The following SH3TC1 variants were observed in gnomAD, a reference collection of about 807,000 sequenced individuals.
SH3TC1 encodes the protein SH3 domain and tetratricopeptide repeats 1.
A neutral mutation model predicts 117.3 loss-of-function variants in SH3TC1; 135 were observed. The ratio of observed to expected loss-of-function variants is 1.15; its 90% CI spans 1.00 to 1.33. The LOEUF is 1.33. Among genes scored for constraint, SH3TC1 ranks in the 40% most tolerant of loss-of-function variants. The probability of loss-of-function intolerance (pLI) is 0.00; values close to 1 mark genes in which losing one functional copy is unlikely to be tolerated. For missense variants in SH3TC1, 2,092 were observed against 1,794.3 expected (o/e 1.17, Z -3.00); for synonymous variants, 898 against 816.9 (o/e 1.10, Z -1.69).
upstream of SH3TC1, among the ~76,000 whole-genome samples, chr4:8,196,802 A>T (rs1173965298): frequency 1.3e-5 from 2 of 152,144 alleles, no homozygotes; most frequent in Non-Finnish European, 2.9e-5. This position sits in a 1 kb window ranked among gnomAD's most constrained non-coding sequence, Gnocchi z 4.6. Context: ...GAGGGGCTTC[A>T]GGATGGGGTC....
chr4:8,202,434 T>A (rs1717899491), intron 1 of SH3TC1, among the ~76,000 whole-genome samples: 1 of 152,236 alleles, frequency 6.6e-6, no homozygotes, highest in Non-Finnish European at 1.5e-5. Context: ...GGCTGCACCC[T>A]GCTCCCACTC....
chr4:8,186,562 G>A lies in SH3TC1; in HGVS notation c.-57+4352G>A, dbSNP rs1717228355. Among the ~76,000 whole-genome samples, 1 of 152,200 alleles carries A rather than the reference G, an allele frequency of 6.6e-6. No individual in the cohort carries two copies. The highest frequency in any genetic ancestry group is 2.1e-4 in the South Asian group (1 of 4,824). On this transcript the variant is annotated intron_variant, in intron 1 of 16. Transcript: ENST00000508641. This position sits in a 1 kb window ranked among gnomAD's most constrained non-coding sequence, Gnocchi z 5.2. Reference sequence around the variant, plus strand: ...GATGGTCATCACGGGGGAGGCTGATGGGAGTTTATGCCAATGCCCTGCACT... The same window carrying A: ...GATGGTCATCACGGGGGAGGCTGATAGGAGTTTATGCCAATGCCCTGCACT...
intron 12 of SH3TC1, among the ~76,000 whole-genome samples, chr4:8,230,590 C>G (rs1356021574): frequency 6.6e-6 from 1 of 152,178 alleles, no homozygotes; most frequent in Non-Finnish European, 1.5e-5. Flanking sequence ...CCCATTTCCA[C>G]TCTCATGTTT....
At position 8,206,868 on chromosome 4, in the gene SH3TC1, T is replaced by TGTGA. The variant is rs1491095306; in HGVS notation, c.172+1503_172+1504insTGAG. Among the ~76,000 whole-genome samples the TGTGA allele has an allele frequency of 1.5e-3, 224 of 150,318 alleles. 1 individual carries two copies. The highest frequency in any genetic ancestry group is 5.3e-3 in the African/African-American group (217 of 40,630). On this transcript the variant is annotated intron_variant, in intron 2 of 17. Transcript: ENST00000245105. This position sits in a 1 kb window ranked among gnomAD's most constrained non-coding sequence, Gnocchi z 5.5. ...GTGTGTGTGTGTGTGTGTGTGTGTG[T>TGTGA]GATTTTCTTCTGATCCTTTTGGGAG... is the stretch of plus-strand genomic sequence containing the variant.
Position 8,183,799 on chromosome 4 carries a change from TTTCC to T in SH3TC1, c.-57+1593_-57+1596del, listed in dbSNP as rs1717148495. Among the ~76,000 whole-genome samples, 1 of 152,120 alleles carries T rather than the reference TTTCC, an allele frequency of 6.6e-6. No homozygotes were observed. Among genetic ancestry groups the T allele is most frequent in the African/African-American group, 2.4e-5 (1 of 41,412 alleles). The stretch of plus-strand genomic sequence containing the variant: ...AGCTGCAGCCCACACCTGACTCAGA[TTTCC>T]TTCGTCTTTACCTAACGCCTTCGCC... On this transcript the variant is annotated intron_variant, in intron 1 of 16. Coordinates refer to the SH3TC1 transcript ENST00000508641. The surrounding 1 kb of genome is among the most constrained non-coding windows in gnomAD (Gnocchi z 5.4).
At position 8,234,178 on chromosome 4, in the gene SH3TC1, TCCATCATCCATCCATTCATCCATCCAC is replaced by T. The variant is rs767261363; in HGVS notation, c.3282+667_3282+693del. 2.6e-3 allele frequency among the ~76,000 whole-genome samples: 298 copies of T among 114,188 alleles called. 2 individuals are homozygous for T. The highest frequency in any genetic ancestry group is 0.011 in the Middle Eastern group (2 of 182). The allele number at this position is 114,188 out of a possible 152,430, so 74.9% of individuals were successfully genotyped here. A position where few individuals can be genotyped will look rare whatever the true frequency, so the allele number is the denominator to read the frequency against. On this transcript the variant is annotated intron_variant, in intron 14 of 17. Transcript: ENST00000245105. ...CATCCATCCTTCCATCATCCATCCA[TCCATCATCCATCCATTCATCCATCCAC>T]CATCCACCATCCTTCCATCATCCAT...
intron 12 of SH3TC1, chr4:8,229,299 G>C (rs1306198928): frequency 2.6e-5 from 4 of 151,652 alleles, no homozygotes; most frequent in Non-Finnish European, 5.9e-5. Flanking sequence ...CCCGGGTTAG[G>C]GAAGCCTCTT....
intron 1 of SH3TC1, among the ~76,000 whole-genome samples, chr4:8,185,494 T>G (rs1331921756): frequency 1.3e-5 from 2 of 152,018 alleles, no homozygotes; most frequent in Non-Finnish European, 1.5e-5. Context: ...TCCCCACTGT[T>G]GCCAATGCAT....
chr4:8,209,698 C>A lies in SH3TC1; in HGVS notation c.173-50C>A, dbSNP rs1378515914. On this transcript the variant is annotated intron_variant, in intron 2 of 17. Coordinates refer to ENST00000245105, the MANE Select transcript of SH3TC1 (RefSeq NM_018986.5). This position sits in a 1 kb window ranked among gnomAD's most constrained non-coding sequence, Gnocchi z 5.9. ...GGAGCGTTTGGCGCCTTCAGAGGAG[C>A]CAGGCCTTTGCTTGGTCTCCCCTAA... 2 of 1,610,988 alleles carry A rather than the reference C, an allele frequency of 1.2e-6. No homozygotes were observed. Among genetic ancestry groups the A allele is most frequent in the South Asian group, 2.2e-5 (2 of 90,374 alleles).
At position 8,206,397 on chromosome 4, in the gene SH3TC1, G is replaced by A. The variant is rs1030269494; in HGVS notation, c.172+1031G>A. On this transcript the variant is annotated intron_variant, in intron 2 of 17. Coordinates refer to ENST00000245105, the MANE Select transcript of SH3TC1 (RefSeq NM_018986.5). This position sits in a 1 kb window ranked among gnomAD's most constrained non-coding sequence, Gnocchi z 5.5. ...AGGCCTCATGAAAGGAAGGGGCTGC[G>A]CTGTGCCCAGGGCCACGAGTGCACA... Among the ~76,000 whole-genome samples the A allele has an allele frequency of 2.0e-5, 3 of 151,960 alleles. No homozygotes were observed. The highest frequency in any genetic ancestry group is 1.3e-4 in the Admixed American group (2 of 15,282).
intron 3 of SH3TC1, among the ~76,000 whole-genome samples, chr4:8,211,486 C>T (rs372750513): frequency 1.2e-5 from 1 of 81,624 alleles, no homozygotes; most frequent in African/African-American, 4.1e-5. Flanking sequence ...CCCTCTCCCC[C>T]TCCCGGTGTC....
chr4:8,211,061 C>T (rs943186957), intron 3 of SH3TC1, among the ~76,000 whole-genome samples: 1 of 145,008 alleles, frequency 6.9e-6, no homozygotes, highest in African/African-American at 2.6e-5. Flanking sequence ...TCTCCCCTCC[C>T]TCCCTCTCTC....
chr4:8,215,141 C>T (rs1007275020), intron 5 of SH3TC1: 2 of 456,172 alleles, frequency 4.4e-6, no homozygotes, highest in African/African-American at 4.0e-5. Flanking sequence ...GTTGCCTTCA[C>T]ACTCTGCCCT....
At chr4:8,233,867 C>T (rs1265822584) in intron 14 of SH3TC1, among the ~76,000 whole-genome samples, 1 of 151,036 alleles carries the variant, frequency 6.6e-6, no homozygotes, top group East Asian at 2.0e-4. Flanking sequence ...TCCATCCATT[C>T]ACCTATCATC....
chr4:8,215,041 G>T (rs78567670), intron 5 of SH3TC1: 1 of 432,200 alleles, frequency 2.3e-6, no homozygotes. Flanking sequence ...ACTGGTGTGC[G>T]CACCTGGTGC....
chr4:8,209,808 G>A lies in SH3TC1; in HGVS notation c.233G>A (p.Gly78Glu), dbSNP rs1158185797. ...GCTGGGACCCCTCCCTGCCAGATGGGGGTTTATCCCACAGGTAAACATCCT... is the reference window on the plus strand; with the variant it reads ...GCTGGGACCCCTCCCTGCCAGATGGAGGTTTATCCCACAGGTAAACATCCT... ...PAAGTPPCQMGVYPTDLTLQL... is the reference protein window; with the variant it reads ...PAAGTPPCQMEVYPTDLTLQL... The change falls in exon 3 of 18, where the codon GGG (glycine) becomes GAG (glutamate). Residue 78 changes from glycine to glutamate, a missense_variant. Coordinates refer to ENST00000245105, the MANE Select transcript of SH3TC1 (RefSeq NM_018986.5). The surrounding 1 kb of genome is among the most constrained non-coding windows in gnomAD (Gnocchi z 5.9). 9.9e-6 allele frequency: 16 copies of A among 1,613,316 alleles called. No individual in the cohort carries two copies. The highest frequency in any genetic ancestry group is 1.3e-5 in the African/African-American group (1 of 74,878).
chr4:8,232,949 G>A lies in SH3TC1; in HGVS notation c.3132-414G>A, dbSNP rs1347991241. On this transcript the variant is annotated intron_variant, in intron 13 of 17. Transcript: ENST00000245105. ...CTAGGGCCCGCCCCAGGCCCGTGGA[G>A]CCAGAAGCTCTGGGGGCAGGCCAGC... 8.4e-6 allele frequency: 10 copies of A among 1,192,752 alleles called. No individual in the cohort carries two copies. In the African/African-American group the frequency reaches 9.6e-5, roughly 11 times the overall value. 73.9% of individuals were successfully genotyped at this position (1,192,752 alleles called of 1,614,324 possible).
At chr4:8,230,028 C>T (rs13151257) in intron 12 of SH3TC1, among the ~76,000 whole-genome samples, 17,651 of 117,304 alleles carry the variant, frequency 0.15, 1,964 homozygotes, top group Middle Eastern at 0.23. Context: ...GGCCAGGGGA[C>T]GAGGATCATG....
chr4:8,233,615 C>A lies in SH3TC1; in HGVS notation c.3282+102C>A, dbSNP rs1721460357. 3.0e-6 allele frequency: 4 copies of A among 1,338,184 alleles called. No homozygotes were observed. In the South Asian group the frequency reaches 6.5e-5, roughly 22 times the overall value. 82.9% of individuals were successfully genotyped at this position (1,338,184 alleles called of 1,614,324 possible). Reference sequence around the variant, plus strand: ...ATAGATGATCCTTCCATCATCTATCCATTTACCTGTTCATCCTTCCTTCCA... The same window carrying A: ...ATAGATGATCCTTCCATCATCTATCAATTTACCTGTTCATCCTTCCTTCCA... On this transcript the variant is annotated intron_variant, in intron 14 of 17. Coordinates refer to ENST00000245105, the MANE Select transcript of SH3TC1 (RefSeq NM_018986.5).
Sources: gnomAD v4.1 joint callset for allele counts (sites outside exome capture counted in the v4.1 genomes callset) on GRCh38, gnomAD v4.1.1 for gene constraint, Gnocchi (gnomAD v3.1) non-coding constraint, MANE v1.5 for transcripts, NCBI Gene and HGNC (gene_info 2026-07-23, HGNC 2026-07-21) for gene names.